CTNNA3: variants seen among roughly 807,000 people sequenced by gnomAD.
CTNNA3 encodes the protein catenin alpha 3, also known as catenin alpha-3.
Under a neutral mutation model 95.7 loss-of-function variants are expected in CTNNA3, and 76 were observed. The observed-to-expected ratio is 0.79, with a 90% CI of 0.66 to 0.96. The LOEUF (loss-of-function observed/expected upper bound fraction) is 0.96, where lower values mean the gene tolerates loss of function less well. Among genes scored for constraint, CTNNA3 ranks in the 40% least tolerant of loss-of-function variants. The probability of loss-of-function intolerance (pLI) is 0.00; values close to 1 mark genes in which losing one functional copy is unlikely to be tolerated. For synonymous variants in CTNNA3, 431 were observed against 374.4 expected (o/e 1.15, Z -1.74); for missense variants, 1,191 against 1,089.8 (o/e 1.09, Z -1.31).
At chr10:66,589,010 C>T (rs1843457264) in intron 10 of CTNNA3, among the ~76,000 whole-genome samples, 1 of 152,012 alleles carries the variant, frequency 6.6e-6, no homozygotes, top group Admixed American at 6.6e-5. Flanking sequence ...CATTTGTTAA[C>T]TCAGGTAACA....
chr10:67,424,727 A>C (rs1210547704), intron 5 of CTNNA3, among the ~76,000 whole-genome samples: 1 of 152,076 alleles, frequency 6.6e-6, no homozygotes, highest in Middle Eastern at 3.2e-3. Context: ...CTAAACAATT[A>C]TTTCTATATT....
At chr10:66,076,110 A>G (rs1531476) in intron 14 of CTNNA3, among the ~76,000 whole-genome samples, 43,171 of 151,464 alleles carry the variant, frequency 0.29, 6,870 homozygotes, top group South Asian at 0.43. Context: ...CACATGGTAT[A>G]TATACATATT....
chr10:66,731,749 G>A (rs554543986), intron 9 of CTNNA3, among the ~76,000 whole-genome samples: 172 of 152,248 alleles, frequency 1.1e-3, no homozygotes, highest in African/African-American at 4.0e-3. Context: ...ATGGGAAAGG[G>A]GGAAAAGTGA....
At chr10:67,164,340 A>T (rs1485254678) in intron 7 of CTNNA3, among the ~76,000 whole-genome samples, 1 of 152,106 alleles carries the variant, frequency 6.6e-6, no homozygotes, top group Non-Finnish European at 1.5e-5. Flanking sequence ...TTTCACAAAT[A>T]TGCAGAAGTA....
chr10:66,645,648 T>C (rs1845682554), intron 9 of CTNNA3, among the ~76,000 whole-genome samples: 1 of 152,158 alleles, frequency 6.6e-6, no homozygotes, highest in Admixed American at 6.5e-5. Context: ...GAGTGAACTT[T>C]ACTGCCTGAT....
Position 66,563,780 on chromosome 10 carries a change from C to T in CTNNA3, c.1375-43007G>A, listed in dbSNP as rs1589427492. Among the ~76,000 whole-genome samples, 5 of 152,146 alleles carry T rather than the reference C, an allele frequency of 3.3e-5. No homozygotes were observed. The South Asian group carries it at 8.3e-4, about 25-fold the overall frequency. ...ATGCACATCTGATTGCTTCCTTTGC[C>T]CTATTGTTTCACGAAGCCAGACTAA... On this transcript the variant is annotated intron_variant, in intron 10 of 17. Transcript: ENST00000433211.
In CTNNA3 at chr10:67,637,363, G is replaced by A. The variant is rs78323036; in HGVS notation, c.99+10052C>T. On this transcript the variant is annotated intron_variant, in intron 2 of 17. Coordinates refer to ENST00000433211, the MANE Select transcript of CTNNA3 (RefSeq NM_013266.4). ...AAGCCTCCAAGAAATATCAGACTAT[G>A]TGAAAAGACCATATCTATGTCTGAT... is the stretch of plus-strand genomic sequence containing the variant. 0.034 allele frequency among the ~76,000 whole-genome samples: 5,155 copies of A among 152,286 alleles called. 615 individuals carry two copies. The East Asian group carries it at 0.43, about 13-fold the overall frequency.
chr10:66,508,980 T>C (rs765828369), intron 11 of CTNNA3, among the ~76,000 whole-genome samples: 2 of 152,156 alleles, frequency 1.3e-5, no homozygotes, highest in Non-Finnish European at 1.5e-5. Flanking sequence ...CCATAGTGGC[T>C]ATACTAGTTT....
chr10:67,050,500 C>T (rs1398778139), intron 7 of CTNNA3, among the ~76,000 whole-genome samples: 2 of 152,164 alleles, frequency 1.3e-5, no homozygotes, highest in Non-Finnish European at 2.9e-5. Context: ...GGAGCTTAAA[C>T]AGCAGGCTCT....
At chr10:67,090,956 A>G (rs188908448) in intron 7 of CTNNA3, among the ~76,000 whole-genome samples, 1 of 152,212 alleles carries the variant, frequency 6.6e-6, no homozygotes, top group East Asian at 1.9e-4. Context: ...ACACTTAGAA[A>G]CCAAAATAGT....
At chr10:66,304,315 C>T (rs760130866) in intron 12 of CTNNA3, among the ~76,000 whole-genome samples, 4 of 152,090 alleles carry the variant, frequency 2.6e-5, no homozygotes, top group Admixed American at 6.6e-5. Context: ...AATCAGAAAA[C>T]CTTTTGGAAA....
chr10:67,416,557 G>A lies in CTNNA3; in HGVS notation c.579+105285C>T, dbSNP rs544234138. On this transcript the variant is annotated intron_variant, in intron 5 of 17. Transcript: ENST00000433211. ...CGGGGGGCGGAGCTTGCAGTGAGCC[G>A]AGATCGCGCCACTGCACTCCAGCCT... Among the ~76,000 whole-genome samples the A allele has an allele frequency of 4.2e-5, 6 of 141,236 alleles. No homozygotes were observed. The South Asian group carries it at 1.3e-3, about 31-fold the overall frequency. The allele number at this position is 141,236 out of a possible 152,430, so 92.7% of individuals were successfully genotyped here. A position where few individuals can be genotyped will look rare whatever the true frequency, so the allele number is the denominator to read the frequency against.
intron 7 of CTNNA3, among the ~76,000 whole-genome samples, chr10:66,909,966 T>A (rs1021536902): frequency 2.6e-5 from 4 of 152,132 alleles, no homozygotes; most frequent in Admixed American, 1.3e-4. Flanking sequence ...TAAAGAATAT[T>A]CTATGGGGAA....
At chr10:66,530,598 T>C (rs1384560644) in intron 10 of CTNNA3, among the ~76,000 whole-genome samples, 1 of 152,126 alleles carries the variant, frequency 6.6e-6, no homozygotes, top group East Asian at 1.9e-4. Flanking sequence ...TGTCAGAACT[T>C]TATGTTAAAT....
chr10:66,767,370 C>CAGGAGG (rs908604282), intron 8 of CTNNA3, among the ~76,000 whole-genome samples: 1 of 150,682 alleles, frequency 6.6e-6, no homozygotes, highest in African/African-American at 2.4e-5. Flanking sequence ...CACTTGAACC[C>CAGGAGG]AGGAGGAGGA....
chr10:67,693,294 G>A (rs188919820), intron 1 of CTNNA3, among the ~76,000 whole-genome samples: 4 of 152,100 alleles, frequency 2.6e-5, no homozygotes, highest in African/African-American at 7.2e-5. Context: ...GCTAAACTCC[G>A]GAGTTCCACC....
At chr10:66,069,693 A>C (rs2080391219) in intron 14 of CTNNA3, among the ~76,000 whole-genome samples, 1 of 152,186 alleles carries the variant, frequency 6.6e-6, no homozygotes, top group Non-Finnish European at 1.5e-5. Context: ...CTAGAACTAT[A>C]ATGTTACATT....
chr10:67,310,234 T>G (rs1840732672), intron 5 of CTNNA3, among the ~76,000 whole-genome samples: 1 of 152,138 alleles, frequency 6.6e-6, no homozygotes, highest in Admixed American at 6.5e-5. Flanking sequence ...AACCCTCTAT[T>G]TAAGTATCTA....
chr10:66,451,191 G>A (rs1158980577), intron 11 of CTNNA3, among the ~76,000 whole-genome samples: 1 of 152,088 alleles, frequency 6.6e-6, no homozygotes, highest in Non-Finnish European at 1.5e-5. Context: ...GATTAATAGT[G>A]GTAGTTTTAG....
Sources: gnomAD v4.1 joint callset for allele counts (sites outside exome capture counted in the v4.1 genomes callset) on GRCh38, gnomAD v4.1.1 for gene constraint, MANE v1.5 for transcripts, NCBI Gene and HGNC (gene_info 2026-07-23, HGNC 2026-07-21) for gene names.